The following GREB1 variants were observed in gnomAD, a reference collection of about 807,000 sequenced individuals.
The protein encoded by GREB1 is growth regulating estrogen receptor binding 1.
GREB1 carries 106 observed loss-of-function variants against 200.7 expected under a neutral mutation model. The observed-to-expected ratio is 0.53, with a 90% CI of 0.45 to 0.62. GREB1 has a LOEUF of 0.62. GREB1 is among the 20% of genes least tolerant of loss of function. The pLI, the probability that GREB1 is intolerant of heterozygous loss-of-function variation, is 0.00. For missense variants in GREB1, 2,243 were observed against 2,556.8 expected, an observed-to-expected ratio of 0.88 and a Z score of 2.65; for synonymous variants, 1,132 against 1,092.4, an observed-to-expected ratio of 1.04 and a Z score of -0.72.
At chr2:11,500,511 C>T (rs1156418196) in intron 1 of GREB1, among the ~76,000 whole-genome samples, 1 of 150,406 alleles carries the variant, frequency 6.6e-6, no homozygotes, top group Non-Finnish European at 1.5e-5. Flanking sequence ...ACCATGTTGG[C>T]TAGGCTGGTC....
Position 11,587,531 on chromosome 2 carries a change from A to T in GREB1, c.1160-1215A>T. On this transcript the variant is annotated intron_variant, in intron 9 of 32. Transcript: ENST00000381486. ...ATCAGAAGCCCTGGGTGGCACCAGC[A>T]AGTGTTTGGCAAGCCCTTGAGAAGC... The T allele has an allele frequency of 1.9e-6, 3 of 1,554,836 alleles. No homozygotes were observed. The South Asian group carries it at 3.5e-5, about 18-fold the overall frequency.
rs373953865 is a variant in GREB1, at chr2:11,598,673, G to A, written c.2153-7G>A. 3.2e-5 allele frequency: 51 copies of A among 1,613,456 alleles called. No individual in the cohort carries two copies. The highest frequency in any genetic ancestry group is 4.2e-5 in the Non-Finnish European group (49 of 1,179,614). ...GCAGTTACTGATGTATGTTCTTTGT[G>A]TTGCAGGGGTTTTGCTGGAGCTTGG... On this transcript the variant is annotated splice_polypyrimidine_tract_variant and splice_region_variant and intron_variant, in intron 14 of 32. Coordinates refer to ENST00000381486, the MANE Select transcript of GREB1 (RefSeq NM_014668.4).
intron 16 of GREB1, 99 bp downstream of exon 16, chr2:11,601,094 A>T: frequency 1.1e-6 from 1 of 942,200 alleles, no homozygotes; most frequent in Non-Finnish European, 1.6e-6. Flanking sequence ...GTTGAGGATA[A>T]TGGGTTCCAG....
At chr2:11,567,087 C>T (rs2147962348) in intron 4 of GREB1, among the ~76,000 whole-genome samples, 1 of 152,274 alleles carries the variant, frequency 6.6e-6, no homozygotes, top group South Asian at 2.1e-4. Context: ...TGGTTTATCA[C>T]TCATCTCTCA....
chr2:11,620,714 G>A (rs1280687843), intron 22 of GREB1, among the ~76,000 whole-genome samples, 191 bp from the exon 23 acceptor site: 2 of 152,204 alleles, frequency 1.3e-5, no homozygotes, highest in Admixed American at 6.5e-5. Context: ...AAGGCCTTAT[G>A]CTCGTGGGAG....
intron 5 of GREB1, among the ~76,000 whole-genome samples, chr2:11,577,732 C>G (rs577177230): frequency 9.8e-5 from 15 of 152,324 alleles, no homozygotes; most frequent in African/African-American, 3.6e-4. Flanking sequence ...GCACGCCCCC[C>G]TCACACCCGA....
intron 1 of GREB1, among the ~76,000 whole-genome samples, chr2:11,552,808 G>C (rs1006647931): frequency 6.6e-6 from 1 of 151,926 alleles, no homozygotes; most frequent in Non-Finnish European, 1.5e-5. Context: ...TCAGGAGATC[G>C]AGACCATCCT....
intron 4 of GREB1, 124 bp from the exon 5 acceptor site, chr2:11,576,229 C>T (rs1320867303): frequency 4.1e-6 from 3 of 731,910 alleles, no homozygotes; most frequent in Non-Finnish European, 4.6e-6. Flanking sequence ...ATCACTTGAA[C>T]CTGGGAGATA....
chr2:11,560,095 G>T (rs925774965), intron 2 of GREB1, among the ~76,000 whole-genome samples: 2 of 152,180 alleles, frequency 1.3e-5, no homozygotes, highest in African/African-American at 4.8e-5. Flanking sequence ...TGAGGGCCAC[G>T]TTTTTCCACA....
intron 1 of GREB1, among the ~76,000 whole-genome samples, chr2:11,483,989 TC>T (rs1219160350): frequency 1.3e-5 from 2 of 152,204 alleles, no homozygotes; most frequent in Non-Finnish European, 2.9e-5. Context: ...GAATAAACAC[TC>T]TTTTATTCCC....
At chr2:11,605,048 T>C (rs1682121909) in intron 17 of GREB1, among the ~76,000 whole-genome samples, 1 of 150,060 alleles carries the variant, frequency 6.7e-6, no homozygotes, top group African/African-American at 2.4e-5. Flanking sequence ...CACAGAGGCT[T>C]AAGGGTGGGC....
At chr2:11,626,263 T>A (rs924809943) in intron 24 of GREB1, among the ~76,000 whole-genome samples, 10 of 151,826 alleles carry the variant, frequency 6.6e-5, no homozygotes, top group African/African-American at 2.4e-4. Flanking sequence ...GAAGGCTGAG[T>A]GTTAAAATCT....
At chr2:11,526,537 G>T (rs888658649) in intron 1 of GREB1, among the ~76,000 whole-genome samples, 1 of 151,558 alleles carries the variant, frequency 6.6e-6, no homozygotes, top group Non-Finnish European at 1.5e-5. Context: ...TTGTTCTCTG[G>T]GGGCAAAAAC....
Position 11,630,081 on chromosome 2 carries a change from G to T in GREB1, c.4583G>T (p.Ser1528Ile), listed in dbSNP as rs78451192. ...AGCCAACCTGGAGGCCAGCTGGAGA[G>T]CATGCGACTACCCCTCGTGACAGAC... Reference protein sequence around the residue: ...VFSQPGGQLESMRLPLVTDKS... With the variant: ...VFSQPGGQLEIMRLPLVTDKS... Residue 1528 changes from serine to isoleucine, a missense_variant, in exon 26 of 33, where the codon AGC (serine) becomes ATC (isoleucine). Transcript: ENST00000381486. 2 of 1,614,098 alleles carry T rather than the reference G, an allele frequency of 1.2e-6. No individual in the cohort carries two copies. The highest frequency in any genetic ancestry group is 1.7e-6 in the Non-Finnish European group (2 of 1,180,030).
chr2:11,636,797 GGGGC>G, intron 30 of GREB1, among the ~76,000 whole-genome samples: 1 of 84,940 alleles, frequency 1.2e-5, no homozygotes, highest in East Asian at 5.4e-4. Context: ...GGCATGGGCA[GGGGC>G]AGAGGCAGGG....
intron 1 of GREB1, among the ~76,000 whole-genome samples, chr2:11,527,598 T>A (rs2148484112): frequency 6.6e-6 from 1 of 152,278 alleles, no homozygotes; most frequent in East Asian, 1.9e-4. Flanking sequence ...CCCTGGACAG[T>A]CTTTCCTGAA....
chr2:11,483,687 GGT>G (rs57352590), intron 1 of GREB1, among the ~76,000 whole-genome samples: 18,458 of 132,064 alleles, frequency 0.14, 1,445 homozygotes, highest in Non-Finnish European at 0.16. Flanking sequence ...TACAAGAAGG[GGT>G]GTGTGTGTGT....
rs1215885928 is a variant in GREB1, at chr2:11,629,702, G to A, written c.4450-246G>A. Among the ~76,000 whole-genome samples the A allele has an allele frequency of 6.6e-6, 1 of 152,174 alleles. No homozygotes were observed. Among genetic ancestry groups the A allele is most frequent in the Non-Finnish European group, 1.5e-5 (1 of 68,032 alleles). ...GCTTGATGCCTGCTTGGCACAGCAG[G>A]GTGAGGCCCCATGCGGACTGAGGAT... On this transcript the variant is annotated intron_variant, in intron 25 of 32. Coordinates refer to ENST00000381486, the MANE Select transcript of GREB1 (RefSeq NM_014668.4). This position sits in a 1 kb window ranked among gnomAD's most constrained non-coding sequence, Gnocchi z 5.2.
chr2:11,524,908 G>A (rs1023230873), intron 1 of GREB1, among the ~76,000 whole-genome samples: 28 of 152,160 alleles, frequency 1.8e-4, no homozygotes, highest in Non-Finnish European at 8.8e-5. Flanking sequence ...ATCTATGGGC[G>A]GGTCTTCTAG....
Sources: gnomAD v4.1 joint callset for allele counts (sites outside exome capture counted in the v4.1 genomes callset) on GRCh38, gnomAD v4.1.1 for gene constraint, Gnocchi (gnomAD v3.1) non-coding constraint, MANE v1.5 for transcripts, NCBI Gene and HGNC (gene_info 2026-07-23, HGNC 2026-07-21) for gene names.